The following ANO6 variants were observed in gnomAD, a reference collection of about 807,000 sequenced individuals.
The protein encoded by ANO6 is anoctamin 6, also known as anoctamin-6.
ANO6 carries 106 observed loss-of-function variants against 117.5 expected under a neutral mutation model. The observed-to-expected ratio is 0.90, with a 90% CI of 0.77 to 1.06. The LOEUF (loss-of-function observed/expected upper bound fraction) is 1.06. Among genes scored for constraint, ANO6 ranks in the 50% least tolerant of loss-of-function variants. The pLI is 0.00. For missense variants in ANO6, 955 were observed against 1,121.1 expected, an observed-to-expected ratio of 0.85 and a Z score of 2.12; for synonymous variants, 367 against 385.1, an observed-to-expected ratio of 0.95 and a Z score of 0.55.
In ANO6 at chr12:45,348,272, T is replaced by A; in HGVS notation, c.590T>A (p.Val197Asp). Residue 197 changes from valine to aspartate, a missense_variant, in exon 5 of 20, where the codon GTT becomes GAT. Coordinates refer to ENST00000320560, the MANE Select transcript of ANO6 (RefSeq NM_001025356.3). ...EKNRMNDFYI[V>D]DRDAFFNPAT... The stretch of plus-strand genomic sequence containing the variant: ...AACCGGATGAATGATTTTTACATAG[T>A]TGATAGAGATGCTTTCTTCAATCCA... The A allele has an allele frequency of 6.2e-7, 1 of 1,614,130 alleles. No individual in the cohort carries two copies. The highest frequency in any genetic ancestry group is 8.5e-7 in the Non-Finnish European group (1 of 1,179,994).
chr12:45,240,548 A>G (rs1418824230), intron 1 of ANO6, among the ~76,000 whole-genome samples: 5 of 151,538 alleles, frequency 3.3e-5, no homozygotes, highest in Non-Finnish European at 7.4e-5. Context: ...TAACCTATTT[A>G]CATTTAAGGT....
At chr12:45,234,118 C>G (rs1947612603) in intron 1 of ANO6, among the ~76,000 whole-genome samples, 1 of 152,174 alleles carries the variant, frequency 6.6e-6, no homozygotes, top group Non-Finnish European at 1.5e-5. Context: ...TTAAGCAGTT[C>G]ACATAATGCC....
chr12:45,296,445 G>A (rs954444898), intron 1 of ANO6, among the ~76,000 whole-genome samples: 17 of 152,132 alleles, frequency 1.1e-4, no homozygotes, highest in Non-Finnish European at 2.2e-4. Context: ...CCAGAGTATT[G>A]TATCTGTTTA....
chr12:45,294,078 C>T (rs756907236), intron 1 of ANO6, among the ~76,000 whole-genome samples: 19 of 152,000 alleles, frequency 1.3e-4, no homozygotes, highest in Non-Finnish European at 2.5e-4. Flanking sequence ...TGGGAATGTG[C>T]ATTCCAGGTA....
In ANO6 at chr12:45,431,381, G is replaced by A. The variant is rs1943628964; in HGVS notation, c.*2070G>A. On this transcript the variant is annotated 3_prime_UTR_variant, in exon 20 of 20. Coordinates refer to ENST00000320560, the MANE Select transcript of ANO6 (RefSeq NM_001025356.3). Reference sequence around the variant, plus strand: ...TATCTCCTAGTGTTTAAATTTGGCAGTTACTCGCCATGTATGTCAGCATAG... The same window carrying A: ...TATCTCCTAGTGTTTAAATTTGGCAATTACTCGCCATGTATGTCAGCATAG... 1.0e-6 allele frequency: 1 copy of A among 985,228 alleles called. No homozygotes were observed. Among genetic ancestry groups the A allele is most frequent in the South Asian group, 4.7e-5 (1 of 21,296 alleles). The allele number at this position is 985,228 out of a possible 1,614,324, so 61.0% of individuals were successfully genotyped here. A position where few individuals can be genotyped will look rare whatever the true frequency, so the allele number is the denominator to read the frequency against.
chr12:45,245,702 G>T (rs1947814835), intron 1 of ANO6, among the ~76,000 whole-genome samples: 1 of 152,100 alleles, frequency 6.6e-6, no homozygotes, highest in Non-Finnish European at 1.5e-5. Flanking sequence ...TCATTGTAAA[G>T]TTGAACTGCA....
intron 3 of ANO6, among the ~76,000 whole-genome samples, chr12:45,331,629 T>G (rs1490495926): frequency 1.3e-5 from 2 of 152,090 alleles, no homozygotes; most frequent in African/African-American, 2.4e-5. Flanking sequence ...GCTCTTAACC[T>G]CATTTGGTTT....
At chr12:45,219,647 C>A (rs1947367417) in intron 1 of ANO6, among the ~76,000 whole-genome samples, 1 of 151,728 alleles carries the variant, frequency 6.6e-6, no homozygotes, top group Non-Finnish European at 1.5e-5. Context: ...CCTGGCTGTT[C>A]AGTACTTTAT....
intron 2 of ANO6, among the ~76,000 whole-genome samples, chr12:45,314,498 T>C (rs147088743): frequency 0.016 from 2,360 of 149,646 alleles, 55 homozygotes; most frequent in African/African-American, 0.053. Flanking sequence ...CACACATATA[T>C]ACATATATAC....
chr12:45,341,977 T>C (rs1212309339), intron 3 of ANO6, among the ~76,000 whole-genome samples: 1 of 152,110 alleles, frequency 6.6e-6, no homozygotes. Context: ...ATGCCCATGA[T>C]CATGCTTAAT....
intron 1 of ANO6, among the ~76,000 whole-genome samples, chr12:45,243,690 C>T (rs994347267): frequency 6.6e-6 from 1 of 152,088 alleles, no homozygotes; most frequent in African/African-American, 2.4e-5. Context: ...GCTGAGATTA[C>T]AGTCACCTGC....
intron 3 of ANO6, 46 bp from the exon 4 acceptor site, chr12:45,346,975 CT>C: frequency 6.3e-7 from 1 of 1,589,854 alleles, no homozygotes; most frequent in Non-Finnish European, 8.6e-7. Flanking sequence ...CTTTTTCTGC[CT>C]TTGGTAAACT....
Position 45,350,691 on chromosome 12 carries a change from C to G in ANO6, c.780C>G (p.Ser260Arg). 6.2e-7 allele frequency: 1 copy of G among 1,613,826 alleles called. No individual in the cohort carries two copies. Among genetic ancestry groups the G allele is most frequent in the Non-Finnish European group, 8.5e-7 (1 of 1,179,784 alleles). Residue 260 changes from serine (S) to arginine (R), a missense_variant, in exon 7 of 20, where the codon AGC (serine) becomes AGG (arginine). Coordinates refer to ENST00000320560, the MANE Select transcript of ANO6 (RefSeq NM_001025356.3). ...CKFRRQSEDP[S>R]CPNERYLLYR... ...TCCGCCGTCAGTCAGAGGATCCCAGCTGCCCTAATGAACGGTACCTTCTGT... is the reference window on the plus strand; with the variant it reads ...TCCGCCGTCAGTCAGAGGATCCCAGGTGCCCTAATGAACGGTACCTTCTGT...
intron 2 of ANO6, among the ~76,000 whole-genome samples, chr12:45,308,048 A>ATTTTT (rs1218638312): frequency 0.017 from 1,195 of 69,212 alleles, 255 homozygotes; most frequent in African/African-American, 0.062. Context: ...TGTGTGTGTA[A>ATTTTT]TTTTTTTTTT....
chr12:45,344,438 G>A (rs1941070193), intron 3 of ANO6, among the ~76,000 whole-genome samples: 1 of 152,142 alleles, frequency 6.6e-6, no homozygotes. Flanking sequence ...GAGGCCTCAG[G>A]AAACTTCCAA....
intron 16 of ANO6, among the ~76,000 whole-genome samples, chr12:45,414,712 A>G (rs1326492751): frequency 6.6e-6 from 1 of 152,114 alleles, no homozygotes; most frequent in Non-Finnish European, 1.5e-5. Flanking sequence ...ATCCCTGTTC[A>G]TTATTTTACC....
At chr12:45,414,628 A>G (rs974779669) in intron 16 of ANO6, among the ~76,000 whole-genome samples, 1 of 152,246 alleles carries the variant, frequency 6.6e-6, no homozygotes, top group African/African-American at 2.4e-5. Context: ...CCATAGCATT[A>G]TAATACACTC....
chr12:45,292,849 T>G, intron 1 of ANO6: 1 of 1,542,550 alleles, frequency 6.5e-7, no homozygotes, highest in Non-Finnish European at 8.7e-7. Context: ...TCACTTAAGG[T>G]AGAGGTAGGA....
At chr12:45,373,457 G>T (rs1302598296) in intron 9 of ANO6, among the ~76,000 whole-genome samples, 2 of 151,982 alleles carry the variant, frequency 1.3e-5, no homozygotes, top group East Asian at 3.9e-4. Flanking sequence ...CCACATACTT[G>T]GAAATAAAGC....
Sources: allele counts gnomAD v4.1 joint callset (sites outside exome capture counted in the v4.1 genomes callset), GRCh38; gene constraint gnomAD v4.1.1; transcripts MANE v1.5; gene names NCBI Gene and HGNC (gene_info 2026-07-23, HGNC 2026-07-21).